Variants in NGEF observed in about 807,000 individuals in gnomAD.
NGEF encodes the protein neuronal guanine nucleotide exchange factor, also known as ephexin-1.
A neutral mutation model predicts 80.9 loss-of-function variants in NGEF; 31 were observed. That is an observed-to-expected ratio of 0.38 (90% CI 0.29 to 0.52). The LOEUF (loss-of-function observed/expected upper bound fraction) is 0.52. NGEF is among the 20% of genes least tolerant of loss of function. The pLI, the probability that NGEF is intolerant of heterozygous loss-of-function variation, is 0.84. For missense variants in NGEF, 709 were observed against 926.2 expected (o/e 0.77, Z 3.04); for synonymous variants, 371 against 370.2 (o/e 1.00, Z -0.03).
chr2:232,881,615 C>G (rs1485222416), intron 13 of NGEF, among the ~76,000 whole-genome samples: 1 of 152,128 alleles, frequency 6.6e-6, no homozygotes, highest in Non-Finnish European at 1.5e-5. Context: ...GAGACAGAGT[C>G]TCCCTCTGTC....
intron 3 of NGEF, among the ~76,000 whole-genome samples, chr2:232,946,274 G>A (rs959136358): frequency 6.6e-6 from 1 of 151,960 alleles, no homozygotes; most frequent in Non-Finnish European, 1.5e-5. Flanking sequence ...GGACTTTGGG[G>A]ACTTGGGGGG....
chr2:233,012,940 G>C, intron 1 of NGEF, 128 bp downstream of exon 1: 1 of 469,702 alleles, frequency 2.1e-6, no homozygotes, highest in Non-Finnish European at 4.4e-6. Flanking sequence ...TGTTTCTCTT[G>C]GGGGCTCCTC....
At chr2:232,940,976 C>T (rs530985397) in intron 3 of NGEF, among the ~76,000 whole-genome samples, 24 of 152,266 alleles carry the variant, frequency 1.6e-4, no homozygotes, top group Non-Finnish European at 1.5e-4. Flanking sequence ...GAGTAATTCA[C>T]GCAGAGCTGG....
intron 3 of NGEF, among the ~76,000 whole-genome samples, chr2:232,927,715 C>T (rs2592118): frequency 0.42 from 63,172 of 151,496 alleles, 13,352 homozygotes; most frequent in Non-Finnish European, 0.45. Context: ...CGGGGCTCAA[C>T]ACCCACCCGA....
rs1379832600 is a variant in NGEF, at chr2:232,969,462, C to CTTCT, written c.383+751_383+752insAGAA. 6.4e-5 allele frequency among the ~76,000 whole-genome samples: 6 copies of CTTCT among 94,478 alleles called. No homozygotes were observed. The East Asian group carries it at 1.8e-3, about 29-fold the overall frequency. The allele number at this position is 94,478 out of a possible 152,430, so 62.0% of individuals were successfully genotyped here. ...CTCCCTCCCTCCCCTTCCTTCCTTC[C>CTTCT]TTCCTTCCTTCTTCCTTCCTTCCTT... On this transcript the variant is annotated intron_variant, in intron 3 of 14. Coordinates refer to ENST00000264051, the MANE Select transcript of NGEF (RefSeq NM_019850.3).
At position 232,880,256 on chromosome 2, in the gene NGEF, C is replaced by T. The variant is rs192504431; in HGVS notation, c.1943-577G>A. 2.3e-3 allele frequency among the ~76,000 whole-genome samples: 356 copies of T among 152,316 alleles called. 4 individuals are homozygous for T. The highest frequency in any genetic ancestry group is 0.013 in the Admixed American group (199 of 15,312). On this transcript the variant is annotated intron_variant, in intron 14 of 14. Transcript: ENST00000264051. ...CTCAGCGTCAACTGGCTTCTCCCTG[C>T]GCTGTTTCTCCACCTCTCCCCTCCC...
At chr2:232,895,046 G>C in intron 5 of NGEF, 130 bp from the exon 6 acceptor site, 3 of 989,672 alleles carry the variant, frequency 3.0e-6, no homozygotes, top group Admixed American at 2.4e-5. Context: ...TGCTCCTGGG[G>C]CCTGGGATGG....
intron 12 of NGEF, 78 bp from the exon 13 acceptor site, chr2:232,882,343 T>C: frequency 1.5e-6 from 2 of 1,293,906 alleles, no homozygotes; most frequent in Non-Finnish European, 2.2e-6. Flanking sequence ...GCTTCCCAGC[T>C]AGCTGCCCCT....
intron 3 of NGEF, among the ~76,000 whole-genome samples, chr2:232,942,354 G>GTACA (rs1693454121): frequency 2.0e-5 from 3 of 152,192 alleles, no homozygotes; most frequent in South Asian, 2.1e-4. Context: ...AGAGCACCTA[G>GTACA]TACACCTTTG....
intron 5 of NGEF, among the ~76,000 whole-genome samples, chr2:232,919,546 T>C (rs1200824607): frequency 6.6e-6 from 1 of 152,214 alleles, no homozygotes; most frequent in African/African-American, 2.4e-5. Flanking sequence ...CCTGACCATA[T>C]GCTTGTTTCT....
At chr2:232,962,171 T>A (rs1438779111) in intron 3 of NGEF, among the ~76,000 whole-genome samples, 3 of 152,242 alleles carry the variant, frequency 2.0e-5, no homozygotes, top group African/African-American at 7.2e-5. Flanking sequence ...CTGCTTCTAT[T>A]CAGCACTATG....
intron 3 of NGEF, among the ~76,000 whole-genome samples, chr2:232,946,215 T>C (rs183525457): frequency 8.0e-4 from 121 of 151,620 alleles, no homozygotes; most frequent in Middle Eastern, 3.4e-3. Context: ...TTCTCACTCA[T>C]AAATGGGAGC....
intron 1 of NGEF, 180 bp downstream of exon 1, chr2:233,012,888 G>T: frequency 2.1e-6 from 1 of 471,180 alleles, no homozygotes; most frequent in Non-Finnish European, 4.4e-6. Flanking sequence ...CAGTGCTGAA[G>T]CCGAGACCAG....
intron 1 of NGEF, among the ~76,000 whole-genome samples, chr2:232,982,058 C>T (rs1301289165): frequency 1.3e-5 from 2 of 152,184 alleles, no homozygotes; most frequent in Non-Finnish European, 2.9e-5. Flanking sequence ...GAGGCCACAG[C>T]CCTGGGTGAC....
intron 3 of NGEF, among the ~76,000 whole-genome samples, chr2:232,947,044 TG>T (rs1185999033): frequency 6.6e-6 from 1 of 152,174 alleles, no homozygotes; most frequent in African/African-American, 2.4e-5. Context: ...AGATTGATAA[TG>T]GATGTTAAAA....
At chr2:232,925,930 G>A (rs1043529817) in intron 4 of NGEF, among the ~76,000 whole-genome samples, 3 of 152,132 alleles carry the variant, frequency 2.0e-5, no homozygotes, top group Non-Finnish European at 4.4e-5. Context: ...ACAAAATTCC[G>A]GAGTCAGCGC....
Position 232,894,815 on chromosome 2 carries a change from G to C in NGEF, c.930C>G (p.His310Gln). ...AGAAGAGGATGTGCGCCTCGGACGG[G>C]TGCAGGATCTTCCTTATCCGCTCGT... ...MENERIRKIL[H>Q]PSEAHILFSN... The change falls in exon 6 of 15, where the codon CAC becomes CAG. Residue 310 changes from histidine to glutamine, a missense_variant. His to Gln is a conservative substitution (Grantham distance 24). Coordinates refer to ENST00000264051, the MANE Select transcript of NGEF (RefSeq NM_019850.3). 6.2e-7 allele frequency: 1 copy of C among 1,611,702 alleles called. No homozygotes were observed. The highest frequency in any genetic ancestry group is 8.5e-7 in the Non-Finnish European group (1 of 1,178,982).
intron 3 of NGEF, among the ~76,000 whole-genome samples, chr2:232,947,850 G>A (rs1559219898): frequency 1.3e-5 from 2 of 152,140 alleles, no homozygotes; most frequent in Admixed American, 1.3e-4. Flanking sequence ...CACAGAAAAA[G>A]AAAGATGAAG....
At chr2:232,981,714 A>T (rs1427829246) in intron 1 of NGEF, among the ~76,000 whole-genome samples, 1 of 151,570 alleles carries the variant, frequency 6.6e-6, no homozygotes, top group Non-Finnish European at 1.5e-5. Context: ...ATCCTTAAAA[A>T]CTCCAATCCC....
Sources: allele counts gnomAD v4.1 joint callset (sites outside exome capture counted in the v4.1 genomes callset), GRCh38; gene constraint gnomAD v4.1.1; transcripts MANE v1.5; gene names NCBI Gene and HGNC (gene_info 2026-07-23, HGNC 2026-07-21).